The following RHO variants were observed in gnomAD, a reference collection of about 807,000 sequenced individuals.
RHO encodes opsin 2, rod pigment.
Under a neutral mutation model 31.2 loss-of-function variants are expected in RHO, and 21 were observed. The ratio of observed to expected loss-of-function variants is 0.67; its 90% CI spans 0.48 to 0.97. The LOEUF (loss-of-function observed/expected upper bound fraction) is 0.97, where lower values mean the gene tolerates loss of function less well. Ranked by LOEUF, RHO falls within the 50% of genes least tolerant of loss-of-function variation. The probability of loss-of-function intolerance (pLI) is 0.00; values close to 1 mark genes in which losing one functional copy is unlikely to be tolerated. For missense variants in RHO, 414 were observed against 479.5 expected (o/e 0.86, Z 1.28); for synonymous variants, 211 against 196.6 (o/e 1.07, Z -0.61).
At position 129,534,674 on chromosome 3, in the gene RHO, C is replaced by A. The variant is rs2084808851; in HGVS notation, c.*956C>A. 1 of 152,592 alleles carries A rather than the reference C, an allele frequency of 6.6e-6. No individual in the cohort carries two copies. The highest frequency in any genetic ancestry group is 6.5e-5 in the Admixed American group (1 of 15,282). The allele number at this position is 152,592 out of a possible 1,614,324, so 9.5% of individuals were successfully genotyped here. Reference sequence around the variant, plus strand: ...TGGGGTCTCACCCCTAGTGTGGGGCCCCAGGTCCCGTGCCTCCCCTTCCCA... The same window carrying A: ...TGGGGTCTCACCCCTAGTGTGGGGCACCAGGTCCCGTGCCTCCCCTTCCCA... On this transcript the variant is annotated 3_prime_UTR_variant, in exon 5 of 5. Coordinates refer to ENST00000296271, the MANE Select transcript of RHO (RefSeq NM_000539.3).
chr3:129,531,244 G>T (rs1466882199), intron 2 of RHO, among the ~76,000 whole-genome samples, 200 bp downstream of exon 2: 1 of 152,208 alleles, frequency 6.6e-6, no homozygotes, highest in African/African-American at 2.4e-5. Flanking sequence ...CATCTCCTGA[G>T]CCCCATGTCA....
Position 129,534,411 on chromosome 3 carries a change from A to T in RHO, c.*693A>T, listed in dbSNP as rs1240512478. The T allele has an allele frequency of 6.6e-6, 1 of 152,324 alleles. No individual in the cohort carries two copies. The highest frequency in any genetic ancestry group is 1.9e-4 in the East Asian group (1 of 5,200). The allele number at this position is 152,324 out of a possible 1,614,324, so 9.4% of individuals were successfully genotyped here. On this transcript the variant is annotated 3_prime_UTR_variant, in exon 5 of 5. Transcript: ENST00000296271. Reference sequence around the variant, plus strand: ...TTAATGTAACTAGTTAATTACTATGATTATCACCTCCTGATAGTGAACATT... The same window carrying T: ...TTAATGTAACTAGTTAATTACTATGTTTATCACCTCCTGATAGTGAACATT...
In RHO at chr3:129,532,632, G is replaced by A. The variant is rs2084789491; in HGVS notation, c.796G>A (p.Val266Met). The A allele has an allele frequency of 6.2e-7, 1 of 1,614,220 alleles. No individual in the cohort carries two copies. The highest frequency in any genetic ancestry group is 1.1e-5 in the South Asian group (1 of 91,082). The change falls in exon 4 of 5, where the codon GTG becomes ATG. Residue 266 changes from valine to methionine, a missense_variant. Val to Met is a conservative substitution (Grantham distance 21, BLOSUM62 1). Transcript: ENST00000296271. The surrounding 1 kb of genome is among the most constrained non-coding windows in gnomAD (Gnocchi z 5.5). ...IMVIAFLICW[V>M]PYASVAFYIF... ...GGTCATCGCTTTCCTGATCTGCTGG[G>A]TGCCCTACGCCAGCGTGGCATTCTA...
At chr3:129,533,102 C>T (rs958988786) in intron 4 of RHO, among the ~76,000 whole-genome samples, 1 of 152,004 alleles carries the variant, frequency 6.6e-6, no homozygotes, top group African/African-American at 2.4e-5. Context: ...ATGGGATGGG[C>T]CAGTCTCCAT....
At chr3:129,529,492 T>G (rs1020469708) in intron 1 of RHO, among the ~76,000 whole-genome samples, 1 of 152,232 alleles carries the variant, frequency 6.6e-6, no homozygotes, top group Non-Finnish European at 1.5e-5. Context: ...GCAGCTGTGC[T>G]GAGTCAGACC....
In RHO at chr3:129,531,487, T is replaced by A. The variant is rs77530178; in HGVS notation, c.530+443T>A. On this transcript the variant is annotated intron_variant, in intron 2 of 4. Coordinates refer to ENST00000296271, the MANE Select transcript of RHO (RefSeq NM_000539.3). ...CGATTGTCTCCTAATGGGGCTGAGA[T>A]GAGACACAGTGGGGACAGTGGTTTG... Among the ~76,000 whole-genome samples, 1,318 of 152,306 alleles carry A rather than the reference T, an allele frequency of 8.7e-3. 7 individuals are homozygous for A. The highest frequency in any genetic ancestry group is 0.044 in the Middle Eastern group (13 of 294).
rs532967085 is a variant in RHO, at chr3:129,532,182, C to T, written c.531-69C>T. The stretch of plus-strand genomic sequence containing the variant: ...AATGTGAAGCCCCAGAAAGGGCCAG[C>T]GCTCGGCAGCCACCTTGGCTGTTCC... On this transcript the variant is annotated intron_variant, in intron 2 of 4. Coordinates refer to ENST00000296271, the MANE Select transcript of RHO (RefSeq NM_000539.3). This position sits in a 1 kb window ranked among gnomAD's most constrained non-coding sequence, Gnocchi z 5.5. The T allele has an allele frequency of 1.3e-4, 174 of 1,332,646 alleles. 3 individuals are homozygous for T. Among genetic ancestry groups the T allele is most frequent in the South Asian group, 1.2e-3 (103 of 85,264 alleles). 82.6% of individuals were successfully genotyped at this position (1,332,646 alleles called of 1,614,324 possible).
At position 129,534,383 on chromosome 3, in the gene RHO, C is replaced by T. The variant is rs1286711401; in HGVS notation, c.*665C>T. ...TTCTAGTTAATGTTGTGAATAACAT[C>T]AATTAATGTAACTAGTTAATTACTA... On this transcript the variant is annotated 3_prime_UTR_variant, in exon 5 of 5. Transcript: ENST00000296271. 2 of 152,330 alleles carry T rather than the reference C, an allele frequency of 1.3e-5. No individual in the cohort carries two copies. The highest frequency in any genetic ancestry group is 4.8e-5 in the African/African-American group (2 of 41,450). The allele number at this position is 152,330 out of a possible 1,614,324, so 9.4% of individuals were successfully genotyped here.
rs534695614 is a variant in RHO at position 129,533,822 on chromosome 3, G to C, written c.*104G>C. The C allele has an allele frequency of 1.2e-6, 1 of 805,188 alleles. No individual in the cohort carries two copies. The highest frequency in any genetic ancestry group is 1.7e-5 in the African/African-American group (1 of 57,946). 49.9% of individuals were successfully genotyped at this position (805,188 alleles called of 1,614,324 possible). A position where few individuals can be genotyped will look rare whatever the true frequency, so the allele number is the denominator to read the frequency against. ...GGAGCAGCGCCTGTGCAGAATGAAC[G>C]AAGTCACATAGGCTCCTTAATTTTT... On this transcript the variant is annotated 3_prime_UTR_variant, in exon 5 of 5. Transcript: ENST00000296271.
chr3:129,532,839 A>C lies in RHO; in HGVS notation c.936+67A>C. 6.2e-7 allele frequency: 1 copy of C among 1,604,104 alleles called. No homozygotes were observed. Among genetic ancestry groups the C allele is most frequent in the South Asian group, 1.1e-5 (1 of 90,794 alleles). On this transcript the variant is annotated intron_variant, in intron 4 of 4. Transcript: ENST00000296271. The surrounding 1 kb of genome is among the most constrained non-coding windows in gnomAD (Gnocchi z 5.5). ...AGGCGCTGCCTGCCAAGGACAAGCTACTTCCCAGGGCAGGGGAGGGGGCTC... is the reference window on the plus strand; with the variant it reads ...AGGCGCTGCCTGCCAAGGACAAGCTCCTTCCCAGGGCAGGGGAGGGGGCTC...
chr3:129,529,327 C>T (rs879100706), intron 1 of RHO, among the ~76,000 whole-genome samples: 5 of 152,250 alleles, frequency 3.3e-5, no homozygotes, highest in East Asian at 1.9e-4. Context: ...GAGCAATATG[C>T]GCTTGTCTAA....
At chr3:129,531,146 G>C in intron 2 of RHO, 102 bp downstream of exon 2, 1 of 1,389,278 alleles carries the variant, frequency 7.2e-7, no homozygotes, top group Non-Finnish European at 1.0e-6. Flanking sequence ...CACTGACCTT[G>C]TATGTCTCCT....
chr3:129,528,677 G>A lies in RHO; in HGVS notation c.-57G>A, dbSNP rs2084754845. 1.2e-6 allele frequency: 2 copies of A among 1,611,494 alleles called. No individual in the cohort carries two copies. The highest frequency in any genetic ancestry group is 1.7e-5 in the Admixed American group (1 of 59,912). ...TGGAGCCCTGAGTGGCTGAGCTCAG[G>A]CCTTCGCAGCATTCTTGGGTGGGAG... On this transcript the variant is annotated 5_prime_UTR_variant, in exon 1 of 5. Transcript: ENST00000296271.
chr3:129,532,481 C>T lies in RHO; in HGVS notation c.697-52C>T. 1 of 1,613,824 alleles carries T rather than the reference C, an allele frequency of 6.2e-7. No individual in the cohort carries two copies. Among genetic ancestry groups the T allele is most frequent in the Non-Finnish European group, 8.5e-7 (1 of 1,179,980 alleles). The stretch of plus-strand genomic sequence containing the variant: ...TCCAGCCCCCAGCATGCATCTGCGG[C>T]TCCTGCTCCCTGGAGGAGCCATGGT... On this transcript the variant is annotated intron_variant, in intron 3 of 4. Coordinates refer to ENST00000296271, the MANE Select transcript of RHO (RefSeq NM_000539.3). The surrounding 1 kb of genome is among the most constrained non-coding windows in gnomAD (Gnocchi z 5.5).
rs572252938 is a variant in RHO at position 129,533,521 on chromosome 3, A to G, written c.937-87A>G. 2.1e-5 allele frequency: 21 copies of G among 1,009,086 alleles called. No homozygotes were observed. In the South Asian group the frequency reaches 2.4e-4, roughly 12 times the overall value. 62.5% of individuals were successfully genotyped at this position (1,009,086 alleles called of 1,614,324 possible). A position where few individuals can be genotyped will look rare whatever the true frequency, so the allele number is the denominator to read the frequency against. ...GGAATCGTGAGGGGCAGAAGCAGGC[A>G]AAGGGTCGGGGCGAACCTCACTAAC... On this transcript the variant is annotated intron_variant, in intron 4 of 4. Coordinates refer to ENST00000296271, the MANE Select transcript of RHO (RefSeq NM_000539.3).
Position 129,528,881 on chromosome 3 carries a change from C to T in RHO, c.148C>T (p.Leu50=). ...CGCCTACATGTTTCTGCTGATCGTGCTGGGCTTCCCCATCAACTTCCTCAC... is the reference window on the plus strand; with the variant it reads ...CGCCTACATGTTTCTGCTGATCGTGTTGGGCTTCCCCATCAACTTCCTCAC... The part of the protein sequence containing the change: ...LAAYMFLLIV[L]GFPINFLTLY... Residue 50 remains leucine (L), a synonymous_variant, in exon 1 of 5, where the codon CTG becomes TTG. Coordinates refer to ENST00000296271, the MANE Select transcript of RHO (RefSeq NM_000539.3). 6.2e-7 allele frequency: 1 copy of T among 1,614,256 alleles called. No homozygotes were observed. Among genetic ancestry groups the T allele is most frequent in the South Asian group, 1.1e-5 (1 of 91,086 alleles).
At position 129,532,344 on chromosome 3, in the gene RHO, C is replaced by G. The variant is rs113751838; in HGVS notation, c.624C>G (p.Phe208Leu). The change falls in exon 3 of 5, where the codon TTC (phenylalanine) becomes TTG (leucine). Residue 208 changes from phenylalanine to leucine, a missense_variant. By Grantham distance (22) the Phe-to-Leu change is conservative (BLOSUM62 0). Coordinates refer to ENST00000296271, the MANE Select transcript of RHO (RefSeq NM_000539.3). The surrounding 1 kb of genome is among the most constrained non-coding windows in gnomAD (Gnocchi z 5.5). ...VNNESFVIYM[F>L]VVHFTIPMII... is the part of the protein sequence containing the mutation. ...ACGAGTCTTTTGTCATCTACATGTT[C>G]GTGGTCCACTTCACCATCCCCATGA... The G allele has an allele frequency of 1.2e-6, 2 of 1,613,986 alleles. No individual in the cohort carries two copies. Among genetic ancestry groups the G allele is most frequent in the Non-Finnish European group, 1.7e-6 (2 of 1,179,980 alleles).
rs1232548343 is a variant in RHO, at chr3:129,528,832, G to C, written c.99G>C (p.Glu33Asp). Residue 33 changes from glutamate to aspartate, a missense_variant, in exon 1 of 5, where the codon GAG becomes GAC. Physicochemically the swap from Glu to Asp is conservative, Grantham distance 45 (BLOSUM62 2). Transcript: ENST00000296271. ...PFEYPQYYLA[E>D]PWQFSMLAAY... is the part of the protein sequence containing the mutation. ...AGTACCCACAGTACTACCTGGCTGA[G>C]CCATGGCAGTTCTCCATGCTGGCCG... 2 of 1,614,128 alleles carry C rather than the reference G, an allele frequency of 1.2e-6. No individual in the cohort carries two copies. The highest frequency in any genetic ancestry group is 1.7e-6 in the Non-Finnish European group (2 of 1,180,054).
chr3:129,531,122 T>G, intron 2 of RHO, 78 bp downstream of exon 2: 1 of 1,550,046 alleles, frequency 6.5e-7, no homozygotes, highest in Non-Finnish European at 8.8e-7. Flanking sequence ...AACCCAGTAG[T>G]GTCTGGTTCC....
Sources: allele counts gnomAD v4.1 joint callset (sites outside exome capture counted in the v4.1 genomes callset), GRCh38; gene constraint gnomAD v4.1.1; non-coding constraint Gnocchi (gnomAD v3.1); transcripts MANE v1.5; gene names NCBI Gene and HGNC (gene_info 2026-07-23, HGNC 2026-07-21).